Variants in CDH20 observed in about 807,000 individuals in gnomAD.
CDH20 encodes cadherin 20, also known as cadherin-20.
CDH20 carries 29 observed loss-of-function variants against 74.2 expected under a neutral mutation model. The observed-to-expected ratio is 0.39, with a 90% CI of 0.29 to 0.53. CDH20 has a LOEUF of 0.53. CDH20 is among the 20% of genes least tolerant of loss of function. The pLI is 0.69. For missense variants in CDH20, 988 were observed against 1,048.3 expected (o/e 0.94, Z 0.79); for synonymous variants, 469 against 405.4 (o/e 1.16, Z -1.88).
chr18:61,426,672 G>A (rs1401820310), intron 1 of CDH20, among the ~76,000 whole-genome samples: 1 of 152,170 alleles, frequency 6.6e-6, no homozygotes, highest in Non-Finnish European at 1.5e-5. Context: ...TGTCCCACAA[G>A]GACTGACTTA....
intron 1 of CDH20, among the ~76,000 whole-genome samples, chr18:61,484,370 G>A (rs781057295): frequency 6.6e-6 from 1 of 152,118 alleles, no homozygotes; most frequent in Non-Finnish European, 1.5e-5. Flanking sequence ...GGTAAAGTAG[G>A]TCAAAAACTT....
At chr18:61,475,934 C>A in intron 1 of CDH20, among the ~76,000 whole-genome samples, 1 of 152,158 alleles carries the variant, frequency 6.6e-6, no homozygotes, top group East Asian at 1.9e-4. Flanking sequence ...CTTCTAAATG[C>A]AAGAACTTGC....
intron 11 of CDH20, among the ~76,000 whole-genome samples, chr18:61,553,086 TAAAA>T (rs765972278): frequency 1.3e-5 from 2 of 152,206 alleles, no homozygotes; most frequent in Non-Finnish European, 2.9e-5. Context: ...TTGCAATTGA[TAAAA>T]AAGCACATCT....
chr18:61,468,359 A>G (rs1232711961), intron 1 of CDH20, among the ~76,000 whole-genome samples: 1 of 152,210 alleles, frequency 6.6e-6, no homozygotes, highest in Non-Finnish European at 1.5e-5. Context: ...CAAGACATCA[A>G]GATACGCTAA....
intron 1 of CDH20, among the ~76,000 whole-genome samples, chr18:61,373,688 A>G (rs1339642698): frequency 6.6e-6 from 1 of 152,112 alleles, no homozygotes; most frequent in Non-Finnish European, 1.5e-5. Flanking sequence ...GGCTACTTTA[A>G]AACCTGCCCA....
intron 7 of CDH20, among the ~76,000 whole-genome samples, chr18:61,534,118 C>T (rs1026964637): frequency 2.6e-5 from 4 of 152,054 alleles, no homozygotes; most frequent in Non-Finnish European, 5.9e-5. Context: ...ATACAAATGA[C>T]CAACATACAT....
intron 1 of CDH20, among the ~76,000 whole-genome samples, chr18:61,374,089 C>T (rs1911130218): frequency 6.6e-6 from 1 of 152,104 alleles, no homozygotes; most frequent in Admixed American, 6.6e-5. Flanking sequence ...AGGCATACAA[C>T]AGTCTGTATT....
At chr18:61,475,665 T>C (rs939358317) in intron 1 of CDH20, among the ~76,000 whole-genome samples, 4 of 152,318 alleles carry the variant, frequency 2.6e-5, no homozygotes, top group African/African-American at 4.8e-5. Flanking sequence ...ATCATTGATA[T>C]AGAACCTACT....
intron 10 of CDH20, among the ~76,000 whole-genome samples, chr18:61,545,631 C>G (rs560830046): frequency 6.6e-6 from 1 of 151,716 alleles, no homozygotes; most frequent in Non-Finnish European, 1.5e-5. Context: ...AGAAAGTGAT[C>G]TAGGATAAAA....
chr18:61,527,393 A>ATAGATAGATAGATAGATAGAT (rs1247283649), intron 6 of CDH20, among the ~76,000 whole-genome samples: 6 of 38,790 alleles, frequency 1.5e-4, no homozygotes, highest in Admixed American at 4.8e-4. Flanking sequence ...ATAGATAGAT[A>ATAGATAGATAGATAGATAGAT]GATAGATAGA....
chr18:61,541,995 C>T (rs903057901), intron 9 of CDH20, among the ~76,000 whole-genome samples: 4 of 152,198 alleles, frequency 2.6e-5, no homozygotes, highest in Non-Finnish European at 4.4e-5. Flanking sequence ...CTCACTCATG[C>T]TTTAAAGCCC....
At chr18:61,514,610 T>A (rs1299546091) in intron 6 of CDH20, among the ~76,000 whole-genome samples, 1 of 150,818 alleles carries the variant, frequency 6.6e-6, no homozygotes, top group African/African-American at 2.4e-5. Flanking sequence ...TCTGTTCTGT[T>A]TTTTCCCCAT....
At chr18:61,372,475 T>C (rs1911076613) in intron 1 of CDH20, among the ~76,000 whole-genome samples, 1 of 152,086 alleles carries the variant, frequency 6.6e-6, no homozygotes, top group East Asian at 1.9e-4. Flanking sequence ...TTCCTAGAAA[T>C]TATTTAAATT....
Position 61,549,980 on chromosome 18 carries a change from AAC to A in CDH20, c.1655_1656del (p.Thr552SerfsTer27), listed in dbSNP as rs759293248. 6.2e-7 allele frequency: 1 copy of A among 1,610,664 alleles called. No individual in the cohort carries two copies. The highest frequency in any genetic ancestry group is 2.2e-5 in the East Asian group (1 of 44,758). On this transcript the variant is annotated frameshift_variant, in exon 11 of 12. Coordinates refer to ENST00000262717, the MANE Select transcript of CDH20 (RefSeq NM_031891.4). LOFTEE classifies it high-confidence loss of function. Reference protein sequence around the residue: ...PNFTIRDNQDNTARILTRRSG... With the variant: ...PNFTIRDNQDXTARILTRRSG... ...CCTGGAACCCCTCCTTCTTTCAGAT[AAC>A]ACAGCACGGATTCTAACCAGGAGGT...
At chr18:61,388,092 C>T (rs1793926932) in intron 1 of CDH20, among the ~76,000 whole-genome samples, 1 of 152,054 alleles carries the variant, frequency 6.6e-6, no homozygotes, top group Admixed American at 6.6e-5. Context: ...GTGCAAAGTT[C>T]CAGGGGAGTT....
At chr18:61,457,238 G>A (rs1411312544) in intron 1 of CDH20, among the ~76,000 whole-genome samples, 1 of 151,980 alleles carries the variant, frequency 6.6e-6, no homozygotes, top group African/African-American at 2.4e-5. Flanking sequence ...AATAAAATGA[G>A]CTCTGGGATG....
chr18:61,514,031 A>G (rs1911884049), intron 6 of CDH20, among the ~76,000 whole-genome samples: 2 of 151,966 alleles, frequency 1.3e-5, no homozygotes, highest in Non-Finnish European at 2.9e-5. Flanking sequence ...TATTTCCTGA[A>G]TCTGAACATT....
intron 6 of CDH20, among the ~76,000 whole-genome samples, chr18:61,520,589 C>G (rs1912170679): frequency 8.4e-6 from 1 of 118,866 alleles, no homozygotes; most frequent in Non-Finnish European, 1.7e-5. Context: ...CCAAGCAGAC[C>G]TAATAGACCT....
Position 61,360,577 on chromosome 18 carries a change from C to T in CDH20, c.-153+26750C>T, listed in dbSNP as rs374766300. 3.3e-5 allele frequency among the ~76,000 whole-genome samples: 5 copies of T among 152,348 alleles called. No individual in the cohort carries two copies. In the South Asian group the frequency reaches 1.0e-3, roughly 32 times the overall value. On this transcript the variant is annotated intron_variant, in intron 1 of 11. Transcript: ENST00000262717. Reference sequence around the variant, plus strand: ...AGCTGAGATTTATGGAGCAGTTAGACTGTGCAAAGCACTGAGGAGGCAGAA... The same window carrying T: ...AGCTGAGATTTATGGAGCAGTTAGATTGTGCAAAGCACTGAGGAGGCAGAA...
Sources: gnomAD v4.1 joint callset for allele counts (sites outside exome capture counted in the v4.1 genomes callset) on GRCh38, gnomAD v4.1.1 for gene constraint, MANE v1.5 for transcripts, NCBI Gene and HGNC (gene_info 2026-07-23, HGNC 2026-07-21) for gene names.